ACSL3: variants seen among roughly 807,000 people sequenced by gnomAD.
The protein encoded by ACSL3 is fatty acid CoA ligase Acsl3.
Under a neutral mutation model 84.7 loss-of-function variants are expected in ACSL3, and 34 were observed. The observed-to-expected ratio is 0.40, with a 90% CI of 0.31 to 0.53. The LOEUF is 0.53. Among genes scored for constraint, ACSL3 ranks in the 20% least tolerant of loss-of-function variants. The pLI is 0.48. For missense variants in ACSL3, 680 were observed against 873.1 expected, an observed-to-expected ratio of 0.78 and a Z score of 2.79; for synonymous variants, 315 against 299.4, an observed-to-expected ratio of 1.05 and a Z score of -0.54.
intron 1 of ACSL3, among the ~76,000 whole-genome samples, chr2:222,882,411 T>G (rs1334305477): frequency 6.6e-6 from 1 of 152,176 alleles, no homozygotes; most frequent in South Asian, 2.1e-4. Flanking sequence ...ATCTCCAAGC[T>G]TTTTGGCACT....
At chr2:222,921,949 C>T (rs1319895846) in intron 8 of ACSL3, among the ~76,000 whole-genome samples, 2 of 152,150 alleles carry the variant, frequency 1.3e-5, no homozygotes, top group East Asian at 3.9e-4. Flanking sequence ...CGATAGGGTA[C>T]AGTGGTTGGA....
At chr2:222,884,952 G>C (rs1475836863) in intron 1 of ACSL3, among the ~76,000 whole-genome samples, 1 of 152,188 alleles carries the variant, frequency 6.6e-6, no homozygotes, top group Admixed American at 6.5e-5. Context: ...GCAATTGCCT[G>C]TTTTCCTAAT....
intron 3 of ACSL3, among the ~76,000 whole-genome samples, chr2:222,907,380 T>C (rs1052553928): frequency 1.6e-4 from 25 of 152,230 alleles, no homozygotes; most frequent in African/African-American, 6.0e-4. Flanking sequence ...AAATGCTGGC[T>C]GCTTGCGTCA....
chr2:222,892,067 G>A (rs1157939218), intron 2 of ACSL3, among the ~76,000 whole-genome samples: 3 of 152,138 alleles, frequency 2.0e-5, no homozygotes, highest in East Asian at 3.9e-4. Flanking sequence ...TAGTCATTGC[G>A]ATGTCATACA....
chr2:222,933,467 T>G lies in ACSL3; in HGVS notation c.1847+187T>G, dbSNP rs1389486989. ...TCCTTGTAAGGCTTCCCCTGATCTT[T>G]CTCTCTGTCCCTGTTTTCTGCTTTA... On this transcript the variant is annotated intron_variant, in intron 15 of 16. Transcript: ENST00000357430. 1.2e-5 allele frequency: 6 copies of G among 497,872 alleles called. No individual in the cohort carries two copies. The East Asian group carries it at 2.0e-4, about 16-fold the overall frequency. 30.8% of individuals were successfully genotyped at this position (497,872 alleles called of 1,614,324 possible). A position where few individuals can be genotyped will look rare whatever the true frequency, so the allele number is the denominator to read the frequency against.
chr2:222,880,906 C>G (rs1449943671), intron 1 of ACSL3, among the ~76,000 whole-genome samples: 7 of 151,520 alleles, frequency 4.6e-5, no homozygotes, highest in Non-Finnish European at 7.4e-5. Context: ...TGTGAATTCT[C>G]CCTCTGGTTG....
At chr2:222,933,306 T>C (rs778297199) in intron 15 of ACSL3, 26 bp downstream of exon 15, 1 of 1,513,478 alleles carries the variant, frequency 6.6e-7, no homozygotes, top group Admixed American at 1.7e-5. Context: ...TCATACTACT[T>C]TTACTTAAAA....
chr2:222,937,009 A>G (rs1697189752), intron 16 of ACSL3, among the ~76,000 whole-genome samples: 2 of 152,146 alleles, frequency 1.3e-5, no homozygotes, highest in African/African-American at 2.4e-5. Context: ...TGTCGGGATT[A>G]TGGGGAATAT....
Position 222,934,575 on chromosome 2 carries a change from A to G in ACSL3, c.1893A>G (p.Glu631=). 1 of 1,595,410 alleles carries G rather than the reference A, an allele frequency of 6.3e-7. No individual in the cohort carries two copies. Among genetic ancestry groups the G allele is most frequent in the Admixed American group, 1.7e-5 (1 of 57,652 alleles). The part of the protein sequence containing the change: ...VIGFVVPNQK[E]LTELARKKGL... ...GATTTGTTGTGCCAAATCAAAAGGA[A>G]CTAACTGAACTAGCTCGAAAGAAAG... The change falls in exon 16 of 17, where the codon GAA becomes GAG. Residue 631 remains glutamate, a synonymous_variant. Transcript: ENST00000357430.
At chr2:222,940,975 A>G (rs1697290758) in intron 16 of ACSL3, among the ~76,000 whole-genome samples, 1 of 151,976 alleles carries the variant, frequency 6.6e-6, no homozygotes, top group Non-Finnish European at 1.5e-5. Context: ...ATCATAGCTC[A>G]CTGCATCTTC....
Position 222,916,331 on chromosome 2 carries a change from C to A in ACSL3, c.391C>A (p.Gln131Lys), listed in dbSNP as rs756676541. Residue 131 changes from glutamine (Q) to lysine (K), a missense_variant, in exon 5 of 17, where the codon CAG becomes AAG. Gln to Lys is a moderately conservative substitution (Grantham distance 53). Coordinates refer to ENST00000357430, the MANE Select transcript of ACSL3 (RefSeq NM_004457.5). ...TTTGTTTTATCAGGTTATTCTTGGA[C>A]AGTATAATTGGCTTTCCTATGAAGA... ...GKIFKKVILGQYNWLSYEDVF... is the reference protein window; with the variant it reads ...GKIFKKVILGKYNWLSYEDVF... 6.2e-7 allele frequency: 1 copy of A among 1,603,842 alleles called. No homozygotes were observed. Among genetic ancestry groups the A allele is most frequent in the Admixed American group, 1.7e-5 (1 of 58,572 alleles).
At position 222,897,008 on chromosome 2, in the gene ACSL3, C is replaced by T. The variant is rs866420820; in HGVS notation, c.-147-3666C>T. Among the ~76,000 whole-genome samples, 9 of 16,144 alleles carry T rather than the reference C, an allele frequency of 5.6e-4. 4 individuals carry two copies. Among genetic ancestry groups the T allele is most frequent in the Non-Finnish European group, 7.5e-4 (8 of 10,698 alleles). The allele number at this position is 16,144 out of a possible 152,430, so 10.6% of individuals were successfully genotyped here. On this transcript the variant is annotated intron_variant, in intron 2 of 16. Transcript: ENST00000357430. Reference sequence around the variant, plus strand: ...CCACCTCCCTCCTGGACGGGGCGACCGGCCGGGCAGAGGGGCTCCTCACTT... The same window carrying T: ...CCACCTCCCTCCTGGACGGGGCGACTGGCCGGGCAGAGGGGCTCCTCACTT...
At chr2:222,911,331 G>A (rs1285422348) in intron 4 of ACSL3, among the ~76,000 whole-genome samples, 1 of 152,204 alleles carries the variant, frequency 6.6e-6, no homozygotes, top group Non-Finnish European at 1.5e-5. Context: ...TTACAGGCAT[G>A]AGCCACAGCG....
In ACSL3 at chr2:222,916,404, G is replaced by A. The variant is rs768860396; in HGVS notation, c.464G>A (p.Gly155Asp). 1 of 1,613,990 alleles carries A rather than the reference G, an allele frequency of 6.2e-7. No homozygotes were observed. Among genetic ancestry groups the A allele is most frequent in the East Asian group, 2.2e-5 (1 of 44,868 alleles). The change falls in exon 5 of 17, where the codon GGT becomes GAT. Residue 155 changes from glycine to aspartate, a missense_variant. By Grantham distance (94) the Gly-to-Asp change is moderately conservative. Transcript: ENST00000357430. ...TTTGGAAATGGATTACAGATGTTGG[G>A]TCAGAAACCAAAGACCAACATCGCC... ...FNFGNGLQML[G>D]QKPKTNIAIF... is the part of the protein sequence containing the mutation.
chr2:222,874,650 G>A (rs2106087572), intron 1 of ACSL3, among the ~76,000 whole-genome samples: 1 of 151,786 alleles, frequency 6.6e-6, no homozygotes, highest in South Asian at 2.1e-4. Flanking sequence ...ACTCCAACAT[G>A]TGACAGAGCA....
chr2:222,879,018 C>A (rs1266315874), intron 1 of ACSL3, among the ~76,000 whole-genome samples: 2 of 152,090 alleles, frequency 1.3e-5, no homozygotes, highest in Non-Finnish European at 2.9e-5. Flanking sequence ...TTAAAAAAAA[C>A]AACAACACAC....
chr2:222,908,776 A>C lies in ACSL3; in HGVS notation c.4A>C (p.Asn2His). 1 of 1,583,510 alleles carries C rather than the reference A, an allele frequency of 6.3e-7. No homozygotes were observed. Among genetic ancestry groups the C allele is most frequent in the Non-Finnish European group, 8.5e-7 (1 of 1,172,514 alleles). Reference sequence around the variant, plus strand: ...TAATTCTACTTTTTGAGTACTTATGAATAACCACGTGTCTTCAAAACCATC... The same window carrying C: ...TAATTCTACTTTTTGAGTACTTATGCATAACCACGTGTCTTCAAAACCATC... M[N>H]NHVSSKPSTM... The change falls in exon 4 of 17, where the codon AAT (asparagine) becomes CAT (histidine). Residue 2 changes from asparagine to histidine, a missense_variant. Asn to His is a moderately conservative substitution (Grantham distance 68). Transcript: ENST00000357430.
In ACSL3 at chr2:222,934,592, G is replaced by GACTT; in HGVS notation, c.1911_1912insCTTA (p.Lys638LeufsTer6). ...CAAAAGGAACTAACTGAACTAGCTC[G>GACTT]AAAGAAAGGACTTAAAGGGACTTGG... On this transcript the variant is annotated frameshift_variant, in exon 16 of 17. Transcript: ENST00000357430. LOFTEE classifies it high-confidence loss of function. 6.2e-7 allele frequency: 1 copy of GACTT among 1,603,930 alleles called. No homozygotes were observed.
At chr2:222,939,857 T>C (rs1697260634) in intron 16 of ACSL3, among the ~76,000 whole-genome samples, 1 of 152,234 alleles carries the variant, frequency 6.6e-6, no homozygotes, top group Admixed American at 6.5e-5. Flanking sequence ...GTCATCTTGC[T>C]GACATCACTC....
Sources: allele counts gnomAD v4.1 joint callset (sites outside exome capture counted in the v4.1 genomes callset), GRCh38; gene constraint gnomAD v4.1.1; transcripts MANE v1.5; gene names NCBI Gene and HGNC (gene_info 2026-07-23, HGNC 2026-07-21).